CFAP20DC: variants seen among roughly 807,000 people sequenced by gnomAD.
The protein encoded by CFAP20DC is protein CFAP20DC.
CFAP20DC carries 84 observed loss-of-function variants against 101.7 expected under a neutral mutation model. The observed-to-expected ratio is 0.83, with a 90% confidence interval of 0.69 to 0.99. The LOEUF (loss-of-function observed/expected upper bound fraction) is 0.99. Ranked by LOEUF, CFAP20DC falls within the 50% of genes least tolerant of loss-of-function variation. The pLI is 0.00. For missense variants in CFAP20DC, 1,007 were observed against 970.3 expected (o/e 1.04, Z -0.50); for synonymous variants, 359 against 351.2 (o/e 1.02, Z -0.25).
At chr3:58,726,792 C>A in intron 3 of CFAP20DC, 3 of 225,678 alleles carry the variant, frequency 1.3e-5, no homozygotes, top group South Asian at 4.1e-5. Flanking sequence ...TCAGAAGAGA[C>A]AAGAATGACC....
intron 14 of CFAP20DC, among the ~76,000 whole-genome samples, chr3:58,807,069 C>A (rs1444012065): frequency 2.0e-5 from 3 of 152,194 alleles, no homozygotes; most frequent in Non-Finnish European, 4.4e-5. Context: ...AGCCAGGAAG[C>A]TCGACCTGGG....
chr3:58,810,445 A>G lies in CFAP20DC; in HGVS notation c.2176-3989T>C, dbSNP rs1328863505. Reference sequence around the variant, plus strand: ...ATCCAGCATATAAACAGAACTGAAGACAAAAACCACATCATAATCCCAATA... The same window carrying G: ...ATCCAGCATATAAACAGAACTGAAGGCAAAAACCACATCATAATCCCAATA... On this transcript the variant is annotated intron_variant, in intron 14 of 16. Transcript: ENST00000482387. 2.0e-5 allele frequency among the ~76,000 whole-genome samples: 3 copies of G among 152,220 alleles called. No homozygotes were observed. In the East Asian group the frequency reaches 5.8e-4, roughly 29 times the overall value.
At chr3:58,995,741 A>C (rs1285006074) in intron 4 of CFAP20DC, among the ~76,000 whole-genome samples, 1 of 152,164 alleles carries the variant, frequency 6.6e-6, no homozygotes, top group Non-Finnish European at 1.5e-5. Flanking sequence ...AACAGAATAA[A>C]ATGGTGGAGT....
chr3:58,915,817 G>A (rs1186615070), intron 5 of CFAP20DC, among the ~76,000 whole-genome samples: 1 of 152,086 alleles, frequency 6.6e-6, no homozygotes, highest in Admixed American at 6.6e-5. Flanking sequence ...TAATCATACT[G>A]TCAACTCATT....
chr3:58,997,231 T>G (rs1452788535), intron 4 of CFAP20DC, among the ~76,000 whole-genome samples: 1 of 152,222 alleles, frequency 6.6e-6, no homozygotes, highest in Non-Finnish European at 1.5e-5. Context: ...ATACTTGTAC[T>G]AACTCATTTA....
chr3:59,034,945 T>C (rs190984953), intron 4 of CFAP20DC, among the ~76,000 whole-genome samples: 85 of 152,240 alleles, frequency 5.6e-4, no homozygotes, highest in Non-Finnish European at 1.0e-3. Flanking sequence ...TAATAGGAAG[T>C]AAAACATTCC....
chr3:58,769,277 T>C (rs1478952390), intron 15 of CFAP20DC, among the ~76,000 whole-genome samples: 1 of 152,148 alleles, frequency 6.6e-6, no homozygotes, highest in Non-Finnish European at 1.5e-5. Flanking sequence ...TCCATTGATG[T>C]AGTTTATGTC....
At chr3:58,969,644 G>T (rs116282634) in intron 4 of CFAP20DC, among the ~76,000 whole-genome samples, 150 of 152,172 alleles carry the variant, frequency 9.9e-4, no homozygotes, top group African/African-American at 3.5e-3. Context: ...GGCCTAAAAA[G>T]GAATAAATCA....
intron 16 of CFAP20DC, among the ~76,000 whole-genome samples, chr3:58,752,258 A>C (rs2068627649): frequency 1.3e-5 from 2 of 152,160 alleles, no homozygotes; most frequent in Admixed American, 1.3e-4. Flanking sequence ...TGGAGGCATT[A>C]ATCAACTACA....
chr3:58,821,233 G>A (rs1410953516), intron 14 of CFAP20DC, among the ~76,000 whole-genome samples: 1 of 152,088 alleles, frequency 6.6e-6, no homozygotes, highest in African/African-American at 2.4e-5. Flanking sequence ...CATAGGCATG[G>A]GCAAGGACTT....
At chr3:58,980,657 G>GCC (rs1268910520) in intron 4 of CFAP20DC, among the ~76,000 whole-genome samples, 15 of 152,044 alleles carry the variant, frequency 9.9e-5, no homozygotes, top group Non-Finnish European at 1.3e-4. Flanking sequence ...ATTCAACAAT[G>GCC]CTTCATGCTA....
In CFAP20DC at chr3:58,849,051, C is replaced by T. The variant is rs1337144666; in HGVS notation, c.1952G>A (p.Ser651Asn). 1.3e-6 allele frequency: 2 copies of T among 1,535,724 alleles called. No homozygotes were observed. Among genetic ancestry groups the T allele is most frequent in the Non-Finnish European group, 1.7e-6 (2 of 1,146,774 alleles). Reference sequence around the variant, plus strand: ...ACTTACAGATGCTTCGGGGATCGAGCTCAGCCTTTCCCCTGAGATTTCTTT... The same window carrying T: ...ACTTACAGATGCTTCGGGGATCGAGTTCAGCCTTTCCCCTGAGATTTCTTT... ...SLKEISGERL[S>N]SIPEASEYDW... is the part of the protein sequence containing the mutation. Residue 651 changes from serine to asparagine, a missense_variant, in exon 13 of 17, where the codon AGC (serine) becomes AAC (asparagine). By Grantham distance (46) the Ser-to-Asn change is conservative (BLOSUM62 1). Coordinates refer to ENST00000482387, the MANE Select transcript of CFAP20DC (RefSeq NM_001394063.1).
In CFAP20DC at chr3:58,818,349, T is replaced by C. The variant is rs1285719921; in HGVS notation, c.2176-11893A>G. The stretch of plus-strand genomic sequence containing the variant: ...CAATTAAAAGACACAGACTGGCAAA[T>C]TGGATAAAGAGTCAAGACCCATCAG... On this transcript the variant is annotated intron_variant, in intron 14 of 16. Transcript: ENST00000482387. 5.8e-3 allele frequency among the ~76,000 whole-genome samples: 853 copies of C among 147,210 alleles called. 8 individuals carry two copies. Among genetic ancestry groups the C allele is most frequent in the African/African-American group, 0.021 (818 of 39,204 alleles).
intron 5 of CFAP20DC, among the ~76,000 whole-genome samples, chr3:58,934,824 T>C (rs2087289330): frequency 6.6e-6 from 1 of 152,198 alleles, no homozygotes; most frequent in Non-Finnish European, 1.5e-5. Context: ...TCATACTGAA[T>C]GGGCAAAAAC....
chr3:58,815,714 C>G (rs958716023), intron 14 of CFAP20DC, among the ~76,000 whole-genome samples: 2 of 151,030 alleles, frequency 1.3e-5, no homozygotes, highest in African/African-American at 4.9e-5. Context: ...TGAACAGACA[C>G]TTCTCAAAAG....
chr3:58,799,746 T>C lies in CFAP20DC; in HGVS notation c.2237+6649A>G, dbSNP rs2073539966. 6.8e-6 allele frequency among the ~76,000 whole-genome samples: 1 copy of C among 147,160 alleles called. No individual in the cohort carries two copies. The highest frequency in any genetic ancestry group is 6.7e-5 in the Admixed American group (1 of 14,908). Reference sequence around the variant, plus strand: ...CTGTGTGTGTGTCTGTGTGTGTGTGTGTGTGTGTGTGTGTGTGTGTGTAGA... The same window carrying C: ...CTGTGTGTGTGTCTGTGTGTGTGTGCGTGTGTGTGTGTGTGTGTGTGTAGA... On this transcript the variant is annotated intron_variant, in intron 15 of 16. Coordinates refer to ENST00000482387, the MANE Select transcript of CFAP20DC (RefSeq NM_001394063.1). This position sits in a 1 kb window ranked among gnomAD's most constrained non-coding sequence, Gnocchi z 4.9.
rs9810410 is a variant in CFAP20DC, at chr3:58,779,604, G to C, written c.2238-25741C>G. On this transcript the variant is annotated intron_variant, in intron 15 of 16. Transcript: ENST00000482387. ...AAGCTTCATCAACAGACTAGATCGA[G>C]CAGAAGAAAGAATCTCAGAACTGAA... Among the ~76,000 whole-genome samples, 1,508 of 152,192 alleles carry C rather than the reference G, an allele frequency of 9.9e-3. 24 individuals are homozygous for C. The highest frequency in any genetic ancestry group is 0.035 in the African/African-American group (1,458 of 41,522).
At chr3:58,957,579 T>C (rs1006665989) in intron 4 of CFAP20DC, among the ~76,000 whole-genome samples, 1 of 152,290 alleles carries the variant, frequency 6.6e-6, no homozygotes, top group East Asian at 1.9e-4. Context: ...CTCTTCACAA[T>C]AGCCAAGATT....
Position 58,861,840 on chromosome 3 carries a change from T to C in CFAP20DC, c.1593+1718A>G, listed in dbSNP as rs2079278180. 1 of 985,440 alleles carries C rather than the reference T, an allele frequency of 1.0e-6. No homozygotes were observed. Among genetic ancestry groups the C allele is most frequent in the Non-Finnish European group, 1.2e-6 (1 of 829,910 alleles). 61.0% of individuals were successfully genotyped at this position (985,440 alleles called of 1,614,324 possible). On this transcript the variant is annotated intron_variant, in intron 12 of 16. Coordinates refer to ENST00000482387, the MANE Select transcript of CFAP20DC (RefSeq NM_001394063.1). This position sits in a 1 kb window ranked among gnomAD's most constrained non-coding sequence, Gnocchi z 4.0. ...TGGGCATGGCACAGGGGTGACCAGATAGCCCTGCCAGTGAAAGCTTGGGTA... is the reference window on the plus strand; with the variant it reads ...TGGGCATGGCACAGGGGTGACCAGACAGCCCTGCCAGTGAAAGCTTGGGTA...
Sources: gnomAD v4.1 joint callset for allele counts (sites outside exome capture counted in the v4.1 genomes callset) on GRCh38, gnomAD v4.1.1 for gene constraint, Gnocchi (gnomAD v3.1) non-coding constraint, MANE v1.5 for transcripts, NCBI Gene and HGNC (gene_info 2026-07-23, HGNC 2026-07-21) for gene names.